The following SPAG8 variants were observed in gnomAD, a reference collection of about 807,000 sequenced individuals.
The protein encoded by SPAG8 is sperm associated antigen 8.
In SPAG8, 36 loss-of-function variants were observed where a neutral mutation model predicts 45.3. That is an observed-to-expected ratio of 0.80 (90% confidence interval 0.61 to 1.05). The LOEUF (loss-of-function observed/expected upper bound fraction) is 1.05, where lower values mean the gene tolerates loss of function less well. Among genes scored for constraint, SPAG8 ranks in the 50% least tolerant of loss-of-function variants. The pLI is 0.00. For missense variants in SPAG8, 573 were observed against 609.2 expected, an observed-to-expected ratio of 0.94 and a Z score of 0.63; for synonymous variants, 227 against 232.6, an observed-to-expected ratio of 0.98 and a Z score of 0.22.
downstream of SPAG8, chr9:35,809,450 C>T: frequency 6.2e-7 from 1 of 1,614,186 alleles, no homozygotes; most frequent in Non-Finnish European, 8.5e-7. The surrounding 1 kb of genome is among the most constrained non-coding windows in gnomAD (Gnocchi z 4.1). Context: ...CTGTAAACCC[C>T]CATTCTTTCC....
At chr9:35,808,720 T>C (rs201360516), downstream of SPAG8, 2 of 1,612,600 alleles carry the variant, frequency 1.2e-6, no homozygotes, top group East Asian at 2.2e-5. This position sits in a 1 kb window ranked among gnomAD's most constrained non-coding sequence, Gnocchi z 4.0. Context: ...AGTCTCCACC[T>C]TTCCCAGACT....
In SPAG8 at chr9:35,811,795, A is replaced by C. The variant is rs1298096369; in HGVS notation, c.251T>G (p.Met84Arg). The stretch of plus-strand genomic sequence containing the variant: ...AAGGCTGGGGTCAGAGGACGGCTCC[A>C]TGAACTCAGAACAGGGCGCTGGGGT... ...TKTPAPCSEFMEPSSDPSLLG... is the reference protein window; with the variant it reads ...TKTPAPCSEFREPSSDPSLLG... Residue 84 changes from methionine (M) to arginine (R), a missense_variant, in exon 2 of 7, where the codon ATG (methionine) becomes AGG (arginine). Transcript: ENST00000396638. 6.2e-7 allele frequency: 1 copy of C among 1,614,032 alleles called. No individual in the cohort carries two copies. The highest frequency in any genetic ancestry group is 8.5e-7 in the Non-Finnish European group (1 of 1,179,994).
chr9:35,809,471 G>C, downstream of SPAG8: 1 of 1,614,120 alleles, frequency 6.2e-7, no homozygotes, highest in Non-Finnish European at 8.5e-7. The surrounding 1 kb of genome is among the most constrained non-coding windows in gnomAD (Gnocchi z 4.1). Context: ...AAGTCAGATA[G>C]TCTTCTGCTG....
chr9:35,809,643 C>G (rs577837290), downstream of SPAG8: 1 of 1,111,222 alleles, frequency 9.0e-7, no homozygotes, highest in East Asian at 2.3e-5. This position sits in a 1 kb window ranked among gnomAD's most constrained non-coding sequence, Gnocchi z 4.1. Flanking sequence ...GGCTTGGTCC[C>G]CTTCCTCCCT....
chr9:35,810,431 G>C lies in SPAG8; in HGVS notation c.1200+8C>G, dbSNP rs1828722996. 1.2e-6 allele frequency: 2 copies of C among 1,610,442 alleles called. No homozygotes were observed. The highest frequency in any genetic ancestry group is 1.7e-6 in the Non-Finnish European group (2 of 1,176,952). ...GCAAGTGGCGGGGGATGGGGGGTGG[G>C]TTCTCACCTTTGTTGGGGCAGGAGT... On this transcript the variant is annotated splice_region_variant and intron_variant, in intron 5 of 6. Coordinates refer to ENST00000396638, the MANE Select transcript of SPAG8 (RefSeq NM_001039592.2).
intron 1 of SPAG8, 36 bp downstream of exon 1, chr9:35,812,068 T>C: frequency 6.2e-7 from 1 of 1,611,180 alleles, no homozygotes. Context: ...ACCTTCCTCG[T>C]CCCCTTATGC....
chr9:35,811,311 C>T lies in SPAG8; in HGVS notation c.735G>A (p.Trp245Ter). 6.2e-7 allele frequency: 1 copy of T among 1,614,130 alleles called. No individual in the cohort carries two copies. The highest frequency in any genetic ancestry group is 8.5e-7 in the Non-Finnish European group (1 of 1,180,010). The change falls in exon 2 of 7, where the codon TGG (tryptophan) becomes TGA (stop). Residue 245 changes from tryptophan (W) to a stop codon, truncating the protein, a stop_gained. Transcript: ENST00000396638. LOFTEE classifies it high-confidence loss of function. ...CPWEPQKQPPWEFLQVLEPGA... is the reference protein window; with the variant it reads ...CPWEPQKQPP ...CCGGTTCTAAGACTTGCAAAAATTC[C>T]CAAGGTGGTTGTTTCTGGGGCTCCC... is the stretch of plus-strand genomic sequence containing the variant.
chr9:35,811,887 CGCTGCAGCTGCTGCGGTTGCAGCT>C lies in SPAG8; in HGVS notation c.135_158del (p.Thr48_Ala55del), dbSNP rs1828826795. 5 of 1,608,134 alleles carry C rather than the reference CGCTGCAGCTGCTGCGGTTGCAGCT, an allele frequency of 3.1e-6. No homozygotes were observed. The highest frequency in any genetic ancestry group is 2.2e-5 in the East Asian group (1 of 44,730). ...CAGTAGCTGCAGCAGCTGATGCAGC[CGCTGCAGCTGCTGCGGTTGCAGCT>C]GCCAGGGCCGACCTGGGACTGTCAT... On this transcript the variant is annotated inframe_deletion, in exon 2 of 7. Transcript: ENST00000396638.
In SPAG8 at chr9:35,811,439, T is replaced by A. The variant is rs1394058546; in HGVS notation, c.607A>T (p.Thr203Ser). 3 of 1,613,912 alleles carry A rather than the reference T, an allele frequency of 1.9e-6. No homozygotes were observed. The highest frequency in any genetic ancestry group is 1.3e-5 in the African/African-American group (1 of 74,868). ...GGGCTGAGCTCAGAGTCAGGGCCAG[T>A]GTCTGGACCAGGCCCAGAGGCAGGA... is the stretch of plus-strand genomic sequence containing the variant. ...PGPASGPGPD[T>S]GPDSELSPCI... is the part of the protein sequence containing the mutation. The change falls in exon 2 of 7, where the codon ACT becomes TCT. Residue 203 changes from threonine (T) to serine (S), a missense_variant. Thr to Ser is a moderately conservative substitution (Grantham distance 58). Transcript: ENST00000396638.
intron 3 of SPAG8, 98 bp from the exon 4 acceptor site, chr9:35,810,780 G>A (rs1203434451): frequency 6.3e-6 from 10 of 1,598,326 alleles, no homozygotes; most frequent in South Asian, 2.2e-5. Context: ...TTGGGGTTCC[G>A]CCCTTATATC....
Position 35,811,478 on chromosome 9 carries a change from C to G in SPAG8, c.568G>C (p.Gly190Arg). 1.9e-6 allele frequency: 3 copies of G among 1,610,734 alleles called. No homozygotes were observed. The highest frequency in any genetic ancestry group is 2.5e-6 in the Non-Finnish European group (3 of 1,177,848). The stretch of plus-strand genomic sequence containing the variant: ...CCAGAGGCAGGACCAGGATGAGAGC[C>G]AGAGCCATGACCAGGACCAGAGCCA... ...GPGSGPGHGS[G>R]SHPGPASGPG... Residue 190 changes from glycine to arginine, a missense_variant, in exon 2 of 7, where the codon GGC becomes CGC. Transcript: ENST00000396638.
rs1206990055 is a variant in SPAG8, at chr9:35,811,367, T to C, written c.679A>G (p.Asn227Asp). 2.5e-6 allele frequency: 4 copies of C among 1,614,038 alleles called. No homozygotes were observed. In the East Asian group the frequency reaches 6.7e-5, roughly 27 times the overall value. ...CAGTGCTGACTCCAGGAGGTATAGT[T>C]AGGGACCCGATCTGCCACCAGGTTT... ...FRNLVADRVP[N>D]YTSWSQHCPW... Residue 227 changes from asparagine (N) to aspartate (D), a missense_variant, in exon 2 of 7, where the codon AAC (asparagine) becomes GAC (aspartate). Asn to Asp is a conservative substitution (Grantham distance 23, BLOSUM62 1). Coordinates refer to ENST00000396638, the MANE Select transcript of SPAG8 (RefSeq NM_001039592.2).
chr9:35,809,742 T>C, downstream of SPAG8: 1 of 1,418,678 alleles, frequency 7.0e-7, no homozygotes, highest in Middle Eastern at 1.8e-4. This position sits in a 1 kb window ranked among gnomAD's most constrained non-coding sequence, Gnocchi z 4.1. Context: ...TAGTGTGGGA[T>C]AGGGGCAATC....
chr9:35,812,067 G>A (rs749653437), intron 1 of SPAG8, 37 bp downstream of exon 1: 1 of 1,610,972 alleles, frequency 6.2e-7, no homozygotes, highest in Non-Finnish European at 8.5e-7. Context: ...GACCTTCCTC[G>A]TCCCCTTATG....
chr9:35,811,785 G>A lies in SPAG8; in HGVS notation c.261C>T (p.Ser87=). 1 of 1,614,216 alleles carries A rather than the reference G, an allele frequency of 6.2e-7. No individual in the cohort carries two copies. Among genetic ancestry groups the A allele is most frequent in the Non-Finnish European group, 8.5e-7 (1 of 1,180,030 alleles). The change falls in exon 2 of 7, where the codon TCC becomes TCT. Residue 87 remains serine (S), a synonymous_variant. Coordinates refer to ENST00000396638, the MANE Select transcript of SPAG8 (RefSeq NM_001039592.2). ...PAPCSEFMEP[S]SDPSLLGEPC... ...GCTCCCCAAGAAGGCTGGGGTCAGA[G>A]GACGGCTCCATGAACTCAGAACAGG... is the stretch of plus-strand genomic sequence containing the variant.
In SPAG8 at chr9:35,811,889, C is replaced by CTGCAGCTGCTGCGGT; in HGVS notation, c.142_156dup (p.Thr48_Ala52dup). 1 of 1,609,964 alleles carries CTGCAGCTGCTGCGGT rather than the reference C, an allele frequency of 6.2e-7. No homozygotes were observed. Among genetic ancestry groups the CTGCAGCTGCTGCGGT allele is most frequent in the Non-Finnish European group, 8.5e-7 (1 of 1,177,042 alleles). On this transcript the variant is annotated inframe_insertion, in exon 2 of 7. Coordinates refer to ENST00000396638, the MANE Select transcript of SPAG8 (RefSeq NM_001039592.2). The stretch of plus-strand genomic sequence containing the variant: ...GTAGCTGCAGCAGCTGATGCAGCCG[C>CTGCAGCTGCTGCGGT]TGCAGCTGCTGCGGTTGCAGCTGCC...
At chr9:35,809,477 T>C (rs1359416577), downstream of SPAG8, 7 of 1,614,088 alleles carry the variant, frequency 4.3e-6, no homozygotes, top group African/African-American at 8.0e-5. This position sits in a 1 kb window ranked among gnomAD's most constrained non-coding sequence, Gnocchi z 4.1. Flanking sequence ...GATAGTCTTC[T>C]GCTGCTGGTA....
At position 35,811,437 on chromosome 9, in the gene SPAG8, A is replaced by G. The variant is rs755301531; in HGVS notation, c.609T>C (p.Thr203=). 1 of 1,614,162 alleles carries G rather than the reference A, an allele frequency of 6.2e-7. No individual in the cohort carries two copies. Among genetic ancestry groups the G allele is most frequent in the Non-Finnish European group, 8.5e-7 (1 of 1,180,022 alleles). Residue 203 remains threonine, a synonymous_variant, in exon 2 of 7, where the codon ACT becomes ACC. Transcript: ENST00000396638. ...PGPASGPGPD[T]GPDSELSPCI... Reference sequence around the variant, plus strand: ...AGGGGCTGAGCTCAGAGTCAGGGCCAGTGTCTGGACCAGGCCCAGAGGCAG... The same window carrying G: ...AGGGGCTGAGCTCAGAGTCAGGGCCGGTGTCTGGACCAGGCCCAGAGGCAG...
Position 35,811,036 on chromosome 9 carries a change from G to A in SPAG8, c.886C>T (p.Gln296Ter). The change falls in exon 3 of 7, where the codon CAA becomes TAA. Residue 296 changes from glutamine to a stop codon, truncating the protein, a stop_gained. Coordinates refer to ENST00000396638, the MANE Select transcript of SPAG8 (RefSeq NM_001039592.2). LOFTEE classifies it high-confidence loss of function. ...EEERATNHLDQVPSMQDGSES... is the reference protein window; with the variant it reads ...EEERATNHLD The stretch of plus-strand genomic sequence containing the variant: ...GAGCCATCCTGCATGCTTGGGACTT[G>A]ATCCAGGTGGTTGGTGGCTCTCTGT... The A allele has an allele frequency of 6.2e-7, 1 of 1,613,722 alleles. No homozygotes were observed. The highest frequency in any genetic ancestry group is 8.5e-7 in the Non-Finnish European group (1 of 1,179,806).
Sources: allele counts gnomAD v4.1 joint callset, GRCh38; gene constraint gnomAD v4.1.1; non-coding constraint Gnocchi (gnomAD v3.1); transcripts MANE v1.5; gene names NCBI Gene and HGNC (gene_info 2026-07-23, HGNC 2026-07-21).